The following TBC1D32 variants were observed in gnomAD, a reference collection of about 807,000 sequenced individuals.
TBC1D32 encodes TBC1 domain family member 32, also known as protein broad-minded.
Under a neutral mutation model 170.3 loss-of-function variants are expected in TBC1D32, and 151 were observed. The observed-to-expected ratio is 0.89, with a 90% CI of 0.78 to 1.01. The LOEUF (loss-of-function observed/expected upper bound fraction) is 1.01, where lower values mean the gene tolerates loss of function less well. TBC1D32 is among the 50% of genes least tolerant of loss of function. TBC1D32 has a pLI of 0.00. For missense variants in TBC1D32, 1,464 were observed against 1,457.1 expected, an observed-to-expected ratio of 1.00 and a Z score of -0.08; for synonymous variants, 498 against 488.0, an observed-to-expected ratio of 1.02 and a Z score of -0.27.
At chr6:121,193,039 A>G (rs1790278258) in intron 22 of TBC1D32, among the ~76,000 whole-genome samples, 1 of 152,206 alleles carries the variant, frequency 6.6e-6, no homozygotes. Flanking sequence ...GGTGCACTAC[A>G]CTAGAAAAGA....
chr6:121,261,261 C>A (rs1431095092), intron 15 of TBC1D32, among the ~76,000 whole-genome samples: 1 of 152,224 alleles, frequency 6.6e-6, no homozygotes, highest in African/African-American at 2.4e-5. Context: ...CCCAGTGCAG[C>A]ACACCCTCTG....
intron 17 of TBC1D32, among the ~76,000 whole-genome samples, chr6:121,242,908 A>G (rs1174769672): frequency 6.6e-6 from 1 of 152,120 alleles, no homozygotes; most frequent in East Asian, 1.9e-4. Context: ...GGATGTTTGG[A>G]GAATCAATGC....
intron 22 of TBC1D32, among the ~76,000 whole-genome samples, chr6:121,178,507 A>AT (rs1379524842): frequency 1.3e-5 from 2 of 152,176 alleles, no homozygotes; most frequent in Non-Finnish European, 2.9e-5. Flanking sequence ...TTTAGATAAG[A>AT]TAGTAGCTTA....
rs185731323 is a variant in TBC1D32 at position 121,242,186 on chromosome 6, G to A, written c.2157+15C>T. ...ACAAAAATTCCCTTTGCCTTTGGCAGATGGTAATTCATACCTGTAATTTTT... is the reference window on the plus strand; with the variant it reads ...ACAAAAATTCCCTTTGCCTTTGGCAAATGGTAATTCATACCTGTAATTTTT... On this transcript the variant is annotated intron_variant, in intron 18 of 31. Transcript: ENST00000398212. 3.2e-5 allele frequency: 51 copies of A among 1,606,754 alleles called. 2 individuals are homozygous for A. In the African/African-American group the frequency reaches 3.5e-4, roughly 11 times the overall value.
chr6:121,316,934 G>C (rs1809014640), intron 3 of TBC1D32, among the ~76,000 whole-genome samples: 1 of 152,108 alleles, frequency 6.6e-6, no homozygotes, highest in Admixed American at 6.6e-5. Flanking sequence ...AGTCTAGCTA[G>C]TTTTCCTTGT....
chr6:121,093,997 G>A (rs923506294), intron 30 of TBC1D32, among the ~76,000 whole-genome samples: 2 of 151,910 alleles, frequency 1.3e-5, no homozygotes, highest in Admixed American at 1.3e-4. Flanking sequence ...TACAATTAAA[G>A]GGGAGACATC....
chr6:121,145,900 G>T (rs78354259), intron 24 of TBC1D32, among the ~76,000 whole-genome samples: 2,668 of 152,268 alleles, frequency 0.018, 81 homozygotes, highest in African/African-American at 0.061. Flanking sequence ...GATGAAAAGT[G>T]ATATTAAATG....
In TBC1D32 at chr6:121,112,578, G is replaced by GT. The variant is rs771090638; in HGVS notation, c.3250dup (p.Thr1084AsnfsTer26). 3 of 1,611,194 alleles carry GT rather than the reference G, an allele frequency of 1.9e-6. No individual in the cohort carries two copies. The highest frequency in any genetic ancestry group is 1.7e-5 in the Admixed American group (1 of 59,848). ...GGAGAATTGATGAAGAAATTGGAATGTTTTTTCTTTGTCTCCCAACATTAT... is the reference window on the plus strand; with the variant it reads ...GGAGAATTGATGAAGAAATTGGAATGTTTTTTTCTTTGTCTCCCAACATTAT... On this transcript the variant is annotated frameshift_variant, in exon 29 of 32. Transcript: ENST00000398212. LOFTEE classifies it high-confidence loss of function.
intron 12 of TBC1D32, 143 bp downstream of exon 12, chr6:121,291,910 A>G (rs79604592): frequency 0.02 from 16,428 of 802,702 alleles, 574 homozygotes; most frequent in East Asian, 0.15. Flanking sequence ...CAAATACTTC[A>G]AAGTGTATAA....
chr6:121,303,551 TTAAC>T (rs1274812815), intron 9 of TBC1D32, 62 bp downstream of exon 9: 12 of 1,236,298 alleles, frequency 9.7e-6, no homozygotes, highest in Admixed American at 5.3e-5. Flanking sequence ...TATTCAAACA[TTAAC>T]TATTTATTAA....
Position 121,292,261 on chromosome 6 carries a change from C to T in TBC1D32, c.1232-68G>A, listed in dbSNP as rs1231926176. On this transcript the variant is annotated intron_variant, in intron 11 of 31. Transcript: ENST00000398212. Reference sequence around the variant, plus strand: ...TATTTTACAGTACCTGTCTTCATTCCCTTCTAGACATTAAACAAGGCTACA... The same window carrying T: ...TATTTTACAGTACCTGTCTTCATTCTCTTCTAGACATTAAACAAGGCTACA... The T allele has an allele frequency of 1.0e-5, 15 of 1,436,952 alleles. No individual in the cohort carries two copies. In the African/African-American group the frequency reaches 2.2e-4, roughly 21 times the overall value. 89.0% of individuals were successfully genotyped at this position (1,436,952 alleles called of 1,614,324 possible). A position where few individuals can be genotyped will look rare whatever the true frequency, so the allele number is the denominator to read the frequency against.
intron 12 of TBC1D32, among the ~76,000 whole-genome samples, chr6:121,288,477 C>T (rs967943546): frequency 4.6e-5 from 7 of 152,230 alleles, no homozygotes; most frequent in Admixed American, 3.3e-4. Context: ...TCTGAATAGA[C>T]CAATAACAGG....
chr6:121,313,123 T>C (rs1312391878), intron 3 of TBC1D32, among the ~76,000 whole-genome samples: 2 of 72,918 alleles, frequency 2.7e-5, no homozygotes. Flanking sequence ...TGTGTGTGTG[T>C]GTGTGTGTGT....
chr6:121,244,200 T>C (rs1175627828), intron 17 of TBC1D32, among the ~76,000 whole-genome samples: 1 of 151,868 alleles, frequency 6.6e-6, no homozygotes, highest in South Asian at 2.1e-4. Context: ...ATATAATAAA[T>C]AAATATACAA....
intron 26 of TBC1D32, among the ~76,000 whole-genome samples, chr6:121,122,342 T>C (rs539042478): frequency 2.0e-5 from 3 of 152,178 alleles, no homozygotes; most frequent in Admixed American, 6.6e-5. Context: ...AATGCTCTTA[T>C]AAAATGCAAA....
Position 121,252,925 on chromosome 6 carries a change from T to C in TBC1D32, c.2018+2403A>G, listed in dbSNP as rs992636839. ...GCCACATGTAGAAGAAAGAACCAGATCCTCATCTCTCACCTTATATAAAAA... is the reference window on the plus strand; with the variant it reads ...GCCACATGTAGAAGAAAGAACCAGACCCTCATCTCTCACCTTATATAAAAA... On this transcript the variant is annotated intron_variant, in intron 17 of 31. Coordinates refer to ENST00000398212, the MANE Select transcript of TBC1D32 (RefSeq NM_152730.6). Among the ~76,000 whole-genome samples the C allele has an allele frequency of 5.9e-5, 9 of 152,098 alleles. No homozygotes were observed. The East Asian group carries it at 1.7e-3, about 30-fold the overall frequency.
At chr6:121,331,555 G>C (rs1001452571) in intron 1 of TBC1D32, among the ~76,000 whole-genome samples, 1 of 151,918 alleles carries the variant, frequency 6.6e-6, no homozygotes, top group African/African-American at 2.4e-5. Context: ...TATTTTTCTT[G>C]CTAATTACAG....
At position 121,192,953 on chromosome 6, in the gene TBC1D32, C is replaced by A. The variant is rs562758158; in HGVS notation, c.2570+12122G>T. 4.6e-5 allele frequency among the ~76,000 whole-genome samples: 7 copies of A among 152,244 alleles called. No homozygotes were observed. The East Asian group carries it at 1.2e-3, about 25-fold the overall frequency. ...CTCCTCAGGAGCCACCTCCAACACC[C>A]CTGTTTACTTCTAGACATATAACTA... On this transcript the variant is annotated intron_variant, in intron 22 of 31. Transcript: ENST00000398212.
intron 22 of TBC1D32, among the ~76,000 whole-genome samples, chr6:121,174,915 CCAG>C (rs1787546823): frequency 1.3e-5 from 2 of 151,626 alleles, no homozygotes. Context: ...CCCATAGGTC[CCAG>C]CTACCGGAGA....
Sources: gnomAD v4.1 joint callset for allele counts (sites outside exome capture counted in the v4.1 genomes callset) on GRCh38, gnomAD v4.1.1 for gene constraint, MANE v1.5 for transcripts, NCBI Gene and HGNC (gene_info 2026-07-23, HGNC 2026-07-21) for gene names.